The following SAMD9 variants were observed in gnomAD, a reference collection of about 807,000 sequenced individuals.
The protein encoded by SAMD9 is sterile alpha motif domain containing 9, also known as sterile alpha motif domain-containing protein 9.
Under a neutral mutation model 1.5 loss-of-function variants are expected in SAMD9, and 3 were observed. The observed-to-expected ratio is 2.05, with a 90% CI of 0.93 to 5.29. SAMD9 has a LOEUF of 5.29. SAMD9 is among the 30% of genes most tolerant of loss of function. The pLI, the probability that SAMD9 is intolerant of heterozygous loss-of-function variation, is 0.02. For missense variants in SAMD9, 1,597 were observed against 1,820.8 expected, an observed-to-expected ratio of 0.88 and a Z score of 2.24; for synonymous variants, 635 against 631.9, an observed-to-expected ratio of 1.00 and a Z score of -0.07.
intron 2 of SAMD9, among the ~76,000 whole-genome samples, chr7:93,112,680 T>A (rs888912959): frequency 2.0e-5 from 3 of 152,106 alleles, no homozygotes; most frequent in Non-Finnish European, 4.4e-5. Flanking sequence ...GAGAGCCAAA[T>A]GATGAGTGAA....
In SAMD9 at chr7:93,104,566, C is replaced by T; in HGVS notation, c.1532G>A (p.Ser511Asn). The change falls in exon 3 of 3, where the codon AGT becomes AAT. Residue 511 changes from serine (S) to asparagine (N), a missense_variant. This residue lies in a region of SAMD9 where 358 missense variants were observed against 460.4 expected (regional missense o/e 0.78). Coordinates refer to ENST00000379958, the MANE Select transcript of SAMD9 (RefSeq NM_017654.4). Reference protein sequence around the residue: ...DSEKYKPFDPSSWQRERASDV... With the variant: ...DSEKYKPFDPNSWQRERASDV... ...AGAAGCTCTTTCTCTTTGCCAGGAA[C>T]TTGGATCAAAGGGTTTATATTTTTC... 1 of 1,614,026 alleles carries T rather than the reference C, an allele frequency of 6.2e-7. No individual in the cohort carries two copies. The highest frequency in any genetic ancestry group is 8.5e-7 in the Non-Finnish European group (1 of 1,179,926).
intron 2 of SAMD9, among the ~76,000 whole-genome samples, chr7:93,112,233 A>C (rs879373381): frequency 2.0e-5 from 3 of 152,214 alleles, no homozygotes; most frequent in Non-Finnish European, 4.4e-5. Context: ...GATGCAGAAA[A>C]TGCCTTTGAC....
chr7:93,104,522 AAATCAGTT>A lies in SAMD9; in HGVS notation c.1568_1575del (p.Lys523IlefsTer6), dbSNP rs1185625720. On this transcript the variant is annotated frameshift_variant, in exon 3 of 3. Coordinates refer to ENST00000379958, the MANE Select transcript of SAMD9 (RefSeq NM_017654.4). LOFTEE classifies it low-confidence loss of function (END_TRUNC). ...ATTATGTCTTCATGTGTAAGAAATG[AAATCAGTT>A]TCCTGACATCAGAAGCTCTTTCTCT... 1.2e-6 allele frequency: 2 copies of A among 1,614,072 alleles called. No individual in the cohort carries two copies. The highest frequency in any genetic ancestry group is 2.2e-5 in the South Asian group (2 of 91,084).
intron 2 of SAMD9, among the ~76,000 whole-genome samples, chr7:93,108,532 G>A (rs752410207): frequency 2.7e-4 from 41 of 152,202 alleles, no homozygotes; most frequent in Admixed American, 6.5e-4. Context: ...TCAAGGGGTC[G>A]GAGAATTCCC....
At chr7:93,114,758 A>G (rs1208203643) in intron 2 of SAMD9, 37 bp downstream of exon 2, 1 of 152,186 alleles carries the variant, frequency 6.6e-6, no homozygotes, top group Admixed American at 6.5e-5. Context: ...TTGAAAACTG[A>G]GATTAATTGA....
chr7:93,106,130 T>A lies in SAMD9; in HGVS notation c.-8-25A>T. 6.1e-6 allele frequency: 9 copies of A among 1,466,920 alleles called. No homozygotes were observed. The South Asian group carries it at 1.2e-4, about 20-fold the overall frequency. The allele number at this position is 1,466,920 out of a possible 1,614,324, so 90.9% of individuals were successfully genotyped here. The stretch of plus-strand genomic sequence containing the variant: ...CCTATATGTAGAAAAAGAAAAATTA[T>A]TTAGTATTATTAAAAGTAAAATTTT... On this transcript the variant is annotated intron_variant, in intron 2 of 2. Coordinates refer to ENST00000379958, the MANE Select transcript of SAMD9 (RefSeq NM_017654.4).
intron 2 of SAMD9, among the ~76,000 whole-genome samples, chr7:93,111,690 A>G (rs1791746979): frequency 1.3e-5 from 2 of 152,386 alleles, no homozygotes; most frequent in Middle Eastern, 3.4e-3. Flanking sequence ...CTCTATGCAA[A>G]TAAACTTGAA....
In SAMD9 at chr7:93,104,469, A is replaced by C. The variant is rs148654574; in HGVS notation, c.1629T>G (p.Phe543Leu). 17 of 1,613,946 alleles carry C rather than the reference A, an allele frequency of 1.1e-5. No homozygotes were observed. The highest frequency in any genetic ancestry group is 1.4e-5 in the Non-Finnish European group (17 of 1,179,926). ...IMPRGKFLVV[F>L]LLLSSVDDPR... ...GGTCATCCACAGAGGACAGTAATAG[A>C]AATACCACCAAAAACTTCCCTCTTG... The change falls in exon 3 of 3, where the codon TTT (phenylalanine) becomes TTG (leucine). Residue 543 changes from phenylalanine (F) to leucine (L), a missense_variant. Transcript: ENST00000379958.
At chr7:93,111,119 G>A (rs974920628) in intron 2 of SAMD9, among the ~76,000 whole-genome samples, 17 of 152,088 alleles carry the variant, frequency 1.1e-4, no homozygotes, top group Non-Finnish European at 2.1e-4. Context: ...TCAGACCACA[G>A]TGCAATCAAA....
At chr7:93,110,139 T>G (rs1037949324) in intron 2 of SAMD9, among the ~76,000 whole-genome samples, 3 of 151,972 alleles carry the variant, frequency 2.0e-5, no homozygotes, top group African/African-American at 4.8e-5. Context: ...CAGAAGAGAG[T>G]GGGGGCCAAT....
rs1218400445 is a variant in SAMD9 at position 93,104,173 on chromosome 7, A to G, written c.1925T>C (p.Leu642Pro). ...AGTCATGATATCTTCTTCCTTTTTC[A>G]GAAGGACAGTCGATAAACCAATAGA... Reference protein sequence around the residue: ...LPSIGLSTVLLKKEEDIMTAL... With the variant: ...LPSIGLSTVLPKKEEDIMTAL... The change falls in exon 3 of 3, where the codon CTG becomes CCG. Residue 642 changes from leucine (L) to proline (P), a missense_variant. Transcript: ENST00000379958. The G allele has an allele frequency of 6.2e-7, 1 of 1,613,940 alleles. No homozygotes were observed. Among genetic ancestry groups the G allele is most frequent in the South Asian group, 1.1e-5 (1 of 91,080 alleles).
Position 93,103,868 on chromosome 7 carries a change from T to C in SAMD9, c.2230A>G (p.Thr744Ala). 1 of 1,614,024 alleles carries C rather than the reference T, an allele frequency of 6.2e-7. No homozygotes were observed. The highest frequency in any genetic ancestry group is 1.7e-5 in the Admixed American group (1 of 60,024). ...HLYHHPGCGG[T>A]TLAMHILWEL... ...CAGAGAATGTGCATAGCCAAGGTAG[T>C]TCCCCCACAGCCTGGATGATGATAC... The change falls in exon 3 of 3, where the codon ACT becomes GCT. Residue 744 changes from threonine (T) to alanine (A), a missense_variant. Transcript: ENST00000379958.
At chr7:93,109,994 A>G (rs1430120780) in intron 2 of SAMD9, among the ~76,000 whole-genome samples, 1 of 152,196 alleles carries the variant, frequency 6.6e-6, no homozygotes, top group Non-Finnish European at 1.5e-5. Context: ...CAACTCCAAG[A>G]CACATAATTG....
rs1791596861 is a variant in SAMD9, at chr7:93,104,545, G to A, written c.1553C>T (p.Ala518Val). The change falls in exon 3 of 3, where the codon GCT becomes GTT. Residue 518 changes from alanine to valine, a missense_variant. Ala to Val is a moderately conservative substitution (Grantham distance 64). Coordinates refer to ENST00000379958, the MANE Select transcript of SAMD9 (RefSeq NM_017654.4). ...FDPSSWQRER[A>V]SDVRKLISFL... ...TGAAATCAGTTTCCTGACATCAGAAGCTCTTTCTCTTTGCCAGGAACTTGG... is the reference window on the plus strand; with the variant it reads ...TGAAATCAGTTTCCTGACATCAGAAACTCTTTCTCTTTGCCAGGAACTTGG... The A allele has an allele frequency of 6.2e-7, 1 of 1,614,016 alleles. No homozygotes were observed. The highest frequency in any genetic ancestry group is 8.5e-7 in the Non-Finnish European group (1 of 1,179,910).
chr7:93,106,017 C>G lies in SAMD9; in HGVS notation c.81G>C (p.Lys27Asn), dbSNP rs759617299. The change falls in exon 3 of 3, where the codon AAG (lysine) becomes AAC (asparagine). Residue 27 changes from lysine (K) to asparagine (N), a missense_variant. By Grantham distance (94) the Lys-to-Asn change is moderately conservative. Transcript: ENST00000379958. ...AAATTTCCCTGTGTTTTTGGTCAAT[C>G]TTATGACTTTCTAACCACTGATTTA... Reference protein sequence around the residue: ...EDVNQWLESHKIDQKHREILT... With the variant: ...EDVNQWLESHNIDQKHREILT... 1.3e-6 allele frequency: 2 copies of G among 1,594,458 alleles called. No homozygotes were observed. The highest frequency in any genetic ancestry group is 1.7e-6 in the Non-Finnish European group (2 of 1,173,840).
chr7:93,111,747 G>C (rs1363659438), intron 2 of SAMD9, among the ~76,000 whole-genome samples: 4 of 152,130 alleles, frequency 2.6e-5, no homozygotes, highest in Non-Finnish European at 5.9e-5. Context: ...ACCCTCCCAA[G>C]ACTAAATCAG....
At chr7:93,114,602 G>A (rs1205611541) in intron 2 of SAMD9, among the ~76,000 whole-genome samples, 193 bp downstream of exon 2, 3 of 152,090 alleles carry the variant, frequency 2.0e-5, no homozygotes, top group Non-Finnish European at 4.4e-5. Context: ...TGACAAGAGA[G>A]ACTCAGTGAA....
chr7:93,117,604 A>G (rs1003007454), intron 1 of SAMD9, among the ~76,000 whole-genome samples: 8 of 152,138 alleles, frequency 5.3e-5, no homozygotes, highest in African/African-American at 1.7e-4. Flanking sequence ...AAGATGCTGT[A>G]TGCCTTGGGA....
rs1228538865 is a variant in SAMD9, at chr7:93,103,772, G to C, written c.2326C>G (p.Gln776Glu). Residue 776 changes from glutamine (Q) to glutamate (E), a missense_variant, in exon 3 of 3, where the codon CAG (glutamine) becomes GAG (glutamate). Around this residue, in one of 6 missense-constraint regions of SAMD9, gnomAD observed 358 missense variants for 460.4 expected, o/e 0.78. Coordinates refer to ENST00000379958, the MANE Select transcript of SAMD9 (RefSeq NM_017654.4). ...CCATAGGTGATTAAACTGGTTACCTGTTCTCCAATTTCAGAAAAATCCACT... is the reference window on the plus strand; with the variant it reads ...CCATAGGTGATTAAACTGGTTACCTCTTCTCCAATTTCAGAAAAATCCACT... ...KTVDFSEIGE[Q>E]VTSLITYGAM... 4 of 1,613,936 alleles carry C rather than the reference G, an allele frequency of 2.5e-6. No homozygotes were observed. The highest frequency in any genetic ancestry group is 3.4e-6 in the Non-Finnish European group (4 of 1,179,872).
Sources: allele counts gnomAD v4.1 joint callset (sites outside exome capture counted in the v4.1 genomes callset), GRCh38; gene constraint gnomAD v4.1.1; regional missense constraint gnomAD v4.1.1; transcripts MANE v1.5; gene names NCBI Gene and HGNC (gene_info 2026-07-23, HGNC 2026-07-21).